Variants in GREM2 observed in about 807,000 individuals in gnomAD.
GREM2 encodes the protein gremlin 2, DAN family BMP antagonist.
A neutral mutation model predicts 14.2 loss-of-function variants in GREM2; 11 were observed. The ratio of observed to expected loss-of-function variants is 0.78; its 90% CI spans 0.49 to 1.28. GREM2 has a LOEUF of 1.28. Among genes scored for constraint, GREM2 ranks in the 50% most tolerant of loss-of-function variants. The pLI, the probability that GREM2 is intolerant of heterozygous loss-of-function variation, is 0.00. For missense variants in GREM2, 210 were observed against 218.5 expected, an observed-to-expected ratio of 0.96 and a Z score of 0.24; for synonymous variants, 98 against 97.6, an observed-to-expected ratio of 1.00 and a Z score of -0.02.
At chr1:240,528,058 T>G (rs1437661688) in intron 1 of GREM2, among the ~76,000 whole-genome samples, 1 of 152,188 alleles carries the variant, frequency 6.6e-6, no homozygotes, top group Admixed American at 6.5e-5. Flanking sequence ...TCCTCAAAGC[T>G]AAGCTATGTG....
chr1:240,497,138 G>A (rs1358646954), intron 1 of GREM2, among the ~76,000 whole-genome samples: 1 of 152,196 alleles, frequency 6.6e-6, no homozygotes, highest in Non-Finnish European at 1.5e-5. Context: ...AGGTATTTAG[G>A]AAGAATGGCC....
At chr1:240,582,807 A>G (rs979819112) in intron 1 of GREM2, among the ~76,000 whole-genome samples, 1 of 152,200 alleles carries the variant, frequency 6.6e-6, no homozygotes, top group Admixed American at 6.5e-5. Context: ...CAAAAAAAAA[A>G]AAAGAGAAAT....
At chr1:240,611,481 G>A (rs1435467009) in intron 1 of GREM2, among the ~76,000 whole-genome samples, 1 of 152,158 alleles carries the variant, frequency 6.6e-6, no homozygotes, top group Non-Finnish European at 1.5e-5. Flanking sequence ...ATATTAACCT[G>A]GTAGGTAGGT....
chr1:240,519,950 C>A (rs1678042563), intron 1 of GREM2, among the ~76,000 whole-genome samples: 1 of 152,042 alleles, frequency 6.6e-6, no homozygotes, highest in Non-Finnish European at 1.5e-5. Context: ...CGTGGTGGCG[C>A]ATGCCTGTAA....
intron 1 of GREM2, among the ~76,000 whole-genome samples, chr1:240,530,070 G>A (rs377204883): frequency 1.8e-4 from 28 of 152,074 alleles, no homozygotes; most frequent in African/African-American, 6.7e-4. Context: ...TTGGGCACCC[G>A]GTTTTTCAAG....
intron 1 of GREM2, among the ~76,000 whole-genome samples, chr1:240,506,309 T>C (rs1050449510): frequency 3.9e-5 from 6 of 152,172 alleles, no homozygotes; most frequent in African/African-American, 1.2e-4. Context: ...AGCCTCTCTT[T>C]CCTGACAGTT....
intron 1 of GREM2, among the ~76,000 whole-genome samples, chr1:240,567,885 G>C (rs568223965): frequency 6.6e-6 from 1 of 152,330 alleles, no homozygotes; most frequent in East Asian, 1.9e-4. Flanking sequence ...GAGGCAGGCA[G>C]ATCACTTGAG....
chr1:240,587,859 T>G (rs995697684), intron 1 of GREM2, among the ~76,000 whole-genome samples: 5 of 152,168 alleles, frequency 3.3e-5, no homozygotes, highest in African/African-American at 1.2e-4. Context: ...ATTATTCTCT[T>G]TGGCCTGATT....
intron 1 of GREM2, among the ~76,000 whole-genome samples, chr1:240,597,070 C>G (rs987142545): frequency 3.8e-4 from 58 of 152,180 alleles, no homozygotes; most frequent in African/African-American, 1.4e-3. Context: ...TCTACTGTGG[C>G]GCATTCCCTT....
intron 1 of GREM2, among the ~76,000 whole-genome samples, chr1:240,568,033 T>C (rs1260138881): frequency 6.6e-6 from 1 of 152,004 alleles, no homozygotes; most frequent in Non-Finnish European, 1.5e-5. Flanking sequence ...CACTTGAACT[T>C]GGGAGGTGGA....
Position 240,500,302 on chromosome 1 carries a change from CTT to C in GREM2, c.-1-6828_-1-6827del, listed in dbSNP as rs72003898. 4.1e-3 allele frequency among the ~76,000 whole-genome samples: 607 copies of C among 146,596 alleles called. 3 individuals carry two copies. The highest frequency in any genetic ancestry group is 0.014 in the African/African-American group (547 of 40,074). ...GAGTATGTTTGTGTGTGTGGATAAT[CTT>C]TTTTTTTTTTTCCAGACAGAGTCTT... is the stretch of plus-strand genomic sequence containing the variant. On this transcript the variant is annotated intron_variant, in intron 1 of 1. Coordinates refer to ENST00000318160, the MANE Select transcript of GREM2 (RefSeq NM_022469.4).
intron 1 of GREM2, among the ~76,000 whole-genome samples, chr1:240,533,642 C>T (rs547117330): frequency 6.6e-6 from 1 of 152,176 alleles, no homozygotes; most frequent in African/African-American, 2.4e-5. Context: ...ACACAGCCTC[C>T]CACAAAGTCA....
intron 1 of GREM2, among the ~76,000 whole-genome samples, chr1:240,563,002 ATG>A (rs1285758960): frequency 9.5e-5 from 12 of 125,946 alleles, no homozygotes; most frequent in East Asian, 4.8e-4. Context: ...ATGTGTGTAT[ATG>A]TGAGTGTATG....
chr1:240,550,375 C>T (rs894019899), intron 1 of GREM2: 1 of 151,728 alleles, frequency 6.6e-6, no homozygotes, highest in South Asian at 2.1e-4. Flanking sequence ...CCAATTAACT[C>T]AGGCGGATTT....
chr1:240,548,410 T>C (rs1325711084), intron 1 of GREM2, among the ~76,000 whole-genome samples: 1 of 152,230 alleles, frequency 6.6e-6, no homozygotes, highest in Non-Finnish European at 1.5e-5. Flanking sequence ...TCAGATTTCT[T>C]AGTCAACCAT....
intron 1 of GREM2, among the ~76,000 whole-genome samples, chr1:240,558,508 A>G (rs1262133147): frequency 6.6e-6 from 1 of 152,180 alleles, no homozygotes; most frequent in Non-Finnish European, 1.5e-5. Context: ...AAAGGGAAAT[A>G]CATGACATAA....
chr1:240,593,779 T>C (rs2102865964), intron 1 of GREM2, among the ~76,000 whole-genome samples: 1 of 152,198 alleles, frequency 6.6e-6, no homozygotes. Context: ...TGACAAGGAC[T>C]ATGTTACCTA....
chr1:240,575,426 T>TTA (rs1679348936), intron 1 of GREM2, among the ~76,000 whole-genome samples: 2 of 152,070 alleles, frequency 1.3e-5, no homozygotes, highest in Non-Finnish European at 1.5e-5. Flanking sequence ...TATGTAAGGG[T>TTA]AACTCTTACA....
chr1:240,574,017 T>C (rs1679309721), intron 1 of GREM2, among the ~76,000 whole-genome samples: 1 of 152,140 alleles, frequency 6.6e-6, no homozygotes. Flanking sequence ...CCTCCCAGGT[T>C]CAGGTGATTC....
Sources: gnomAD v4.1 joint callset for allele counts (sites outside exome capture counted in the v4.1 genomes callset) on GRCh38, gnomAD v4.1.1 for gene constraint, MANE v1.5 for transcripts, NCBI Gene and HGNC (gene_info 2026-07-23, HGNC 2026-07-21) for gene names.